The following MT4 variants were observed in gnomAD, a reference collection of about 807,000 sequenced individuals.
The protein encoded by MT4 is metallothionein 4, also known as metallothionein-4.
Under a neutral mutation model 9.5 loss-of-function variants are expected in MT4, and 11 were observed. The observed-to-expected ratio is 1.16, with a 90% CI of 0.73 to 1.92. The LOEUF is 1.92. MT4 is among the 30% of genes most tolerant of loss of function. The pLI, the probability that MT4 is intolerant of heterozygous loss-of-function variation, is 0.00. For synonymous variants in MT4, 29 were observed against 24.6 expected, an observed-to-expected ratio of 1.18 and a Z score of -0.53; for missense variants, 88 against 78.7, an observed-to-expected ratio of 1.12 and a Z score of -0.45.
intron 1 of MT4, among the ~76,000 whole-genome samples, chr16:56,565,694 C>T (rs148146191): frequency 1.1e-4 from 17 of 152,236 alleles, no homozygotes; most frequent in African/African-American, 3.1e-4. Context: ...CTTAATTCCA[C>T]GGAGCATGTT....
chr16:56,566,734 GAAAGAAA>G (rs1285511579), intron 1 of MT4, among the ~76,000 whole-genome samples: 1,726 of 35,122 alleles, frequency 0.049, 38 homozygotes, highest in East Asian at 0.082. Context: ...AAGAAAGAAA[GAAAGAAA>G]GAAAGAAGGA....
In MT4 at chr16:56,568,911, C is replaced by A. The variant is rs751603630; in HGVS notation, c.168C>A (p.Asp56Glu). The A allele has an allele frequency of 6.2e-7, 1 of 1,606,538 alleles. No individual in the cohort carries two copies. The highest frequency in any genetic ancestry group is 8.5e-7 in the Non-Finnish European group (1 of 1,176,112). ...GCTGCATCTGCAAAGGAGGCTCAGA[C>A]AAGTGCAGCTGCTGCCCATGAAAGC... ...ARGCICKGGS[D>E]KCSCCP The change falls in exon 3 of 3, where the codon GAC becomes GAA. Residue 56 changes from aspartate (D) to glutamate (E), a missense_variant. Physicochemically the swap from Asp to Glu is conservative, Grantham distance 45. Transcript: ENST00000219162.
rs531188818 is a variant in MT4, at chr16:56,568,479, G to A, written c.98-362G>A. Among the ~76,000 whole-genome samples the A allele has an allele frequency of 2.9e-4, 44 of 152,080 alleles. 1 individual carries two copies. In the South Asian group the frequency reaches 8.3e-3, roughly 29 times the overall value. ...TGGCAGGTCTCTACCCAGGGATAAG[G>A]GCATCCACAGTGTTTGGAGCAGGAA... On this transcript the variant is annotated intron_variant, in intron 2 of 2. Transcript: ENST00000219162.
chr16:56,565,174 C>T lies in MT4; in HGVS notation c.31+15C>T, dbSNP rs757230489. On this transcript the variant is annotated intron_variant, in intron 1 of 2. Coordinates refer to ENST00000219162, the MANE Select transcript of MT4 (RefSeq NM_032935.3). ...CTGCATGTCTGGTGAGTAAAGAAGC[C>T]CTCCCTGGGGTCTGGGAACCTTGGA... The T allele has an allele frequency of 3.1e-6, 5 of 1,610,030 alleles. No individual in the cohort carries two copies. Among genetic ancestry groups the T allele is most frequent in the South Asian group, 2.2e-5 (2 of 90,354 alleles).
At chr16:56,566,721 AGAAAGAAAGAAAGAAAGAAAGAAAGAAG>A (rs1224645712) in intron 1 of MT4, among the ~76,000 whole-genome samples, 331 of 19,980 alleles carry the variant, frequency 0.017, 2 homozygotes, top group African/African-American at 0.045. Flanking sequence ...AAAGAAAGAA[AGAAAGAAAGAAAGAAAGAAAGAAAGAAG>A]GAAGGAAGGA....
Position 56,565,106 on chromosome 16 carries a change from G to A in MT4, c.-23G>A. 6.2e-7 allele frequency: 1 copy of A among 1,612,996 alleles called. No homozygotes were observed. Among genetic ancestry groups the A allele is most frequent in the Non-Finnish European group, 8.5e-7 (1 of 1,179,510 alleles). On this transcript the variant is annotated 5_prime_UTR_variant, in exon 1 of 3. Transcript: ENST00000219162. ...TCCCTTCCCCAGCCGTGACAGCACT[G>A]GAGCCTTTCGGACACCTGGACCATG... is the stretch of plus-strand genomic sequence containing the variant.
intron 1 of MT4, 52 bp from the exon 2 acceptor site, chr16:56,567,699 C>T: frequency 2.6e-6 from 4 of 1,545,168 alleles, no homozygotes; most frequent in Non-Finnish European, 8.9e-7. Flanking sequence ...GCCTTATGTT[C>T]CCCACTCCAT....
At chr16:56,568,253 A>AGAGAGAGAG (rs1567330586) in intron 2 of MT4, among the ~76,000 whole-genome samples, 5 of 69,196 alleles carry the variant, frequency 7.2e-5, no homozygotes, top group Admixed American at 2.9e-4. Flanking sequence ...GAAAGAAAGA[A>AGAGAGAGAG]AGAAAGAGAG....
At chr16:56,568,176 AAAGGAAGG>A (rs71380952) in intron 2 of MT4, among the ~76,000 whole-genome samples, 3 of 141,362 alleles carry the variant, frequency 2.1e-5, no homozygotes, top group Non-Finnish European at 4.6e-5. Context: ...AGGAAGGAAG[AAAGGAAGG>A]AAGGAAGGAA....
chr16:56,567,631 C>T (rs1196907900), intron 1 of MT4, 120 bp from the exon 2 acceptor site: 2 of 870,022 alleles, frequency 2.3e-6, no homozygotes, highest in African/African-American at 3.3e-5. Flanking sequence ...ACCCTCTTGT[C>T]CAGCCAGTCC....
chr16:56,568,107 C>G (rs1382236931), intron 2 of MT4, among the ~76,000 whole-genome samples: 1 of 149,870 alleles, frequency 6.7e-6, no homozygotes, highest in East Asian at 2.0e-4. Context: ...GAGCAGAGAT[C>G]ACACCATTGC....
intron 1 of MT4, among the ~76,000 whole-genome samples, chr16:56,566,384 G>T (rs145903347): frequency 8.1e-4 from 123 of 152,032 alleles, no homozygotes; most frequent in African/African-American, 2.9e-3. Flanking sequence ...CAATTAGCCA[G>T]GTGTGGTGGT....
At chr16:56,566,803 AAAGAAAGAAAGAAAGAAAAGAAAG>A (rs1959536285) in intron 1 of MT4, among the ~76,000 whole-genome samples, 5 of 46,308 alleles carry the variant, frequency 1.1e-4, no homozygotes, top group Non-Finnish European at 2.0e-4. Flanking sequence ...AGAAAGAAAG[AAAGAAAGAAAGAAAGAAAAGAAAG>A]AAAGAAAGAA....
chr16:56,567,331 T>C (rs1959549057), intron 1 of MT4, among the ~76,000 whole-genome samples: 1 of 151,602 alleles, frequency 6.6e-6, no homozygotes, highest in Non-Finnish European at 1.5e-5. Context: ...GCCAAGAGGG[T>C]GTGAAAGGCT....
At chr16:56,567,631 C>G (rs1196907900) in intron 1 of MT4, 120 bp from the exon 2 acceptor site, 2 of 870,022 alleles carry the variant, frequency 2.3e-6, no homozygotes, top group African/African-American at 3.3e-5. Context: ...ACCCTCTTGT[C>G]CAGCCAGTCC....
intron 1 of MT4, among the ~76,000 whole-genome samples, chr16:56,566,802 GAAAGAAAGAAAGAAAGA>G (rs1317949635): frequency 0.052 from 2,320 of 45,014 alleles, 93 homozygotes; most frequent in Admixed American, 0.072. Context: ...AAGAAAGAAA[GAAAGAAAGAAAGAAAGA>G]AAAGAAAGAA....
intron 1 of MT4, among the ~76,000 whole-genome samples, chr16:56,565,366 T>C (rs1377677201): frequency 6.6e-6 from 1 of 152,216 alleles, no homozygotes; most frequent in Non-Finnish European, 1.5e-5. Context: ...ATCGATATCC[T>C]AGCTCAGGGA....
In MT4 at chr16:56,567,732, G is replaced by A. The variant is rs373297592; in HGVS notation, c.32-19G>A. 6 of 1,611,340 alleles carry A rather than the reference G, an allele frequency of 3.7e-6. No individual in the cohort carries two copies. In the African/African-American group the frequency reaches 8.0e-5, roughly 22 times the overall value. ...CATCTCCATCCTCACGTTTGTGGTG[G>A]CTCTGTCCTGTCTTCTAGGAGGAAT... is the stretch of plus-strand genomic sequence containing the variant. On this transcript the variant is annotated intron_variant, in intron 1 of 2. Coordinates refer to ENST00000219162, the MANE Select transcript of MT4 (RefSeq NM_032935.3).
chr16:56,566,819 A>AAGGAAGGAAGGAAGGAAGGAAAGAAAG (rs1567330038), intron 1 of MT4, among the ~76,000 whole-genome samples: 9 of 52,524 alleles, frequency 1.7e-4, no homozygotes, highest in Non-Finnish European at 3.6e-4. Flanking sequence ...AGAAAGAAAG[A>AAGGAAGGAAGGAAGGAAGGAAAGAAAG]AAAGAAAGAA....
Sources: gnomAD v4.1 joint callset for allele counts (sites outside exome capture counted in the v4.1 genomes callset) on GRCh38, gnomAD v4.1.1 for gene constraint, MANE v1.5 for transcripts, NCBI Gene and HGNC (gene_info 2026-07-23, HGNC 2026-07-21) for gene names.